Variants in STON2 observed in about 807,000 individuals in gnomAD.
The protein encoded by STON2 is stonin 2, also known as stonin-2.
STON2 carries 29 observed loss-of-function variants against 65.7 expected under a neutral mutation model. The observed-to-expected ratio is 0.44, with a 90% CI of 0.33 to 0.60. The LOEUF (loss-of-function observed/expected upper bound fraction) is 0.60, where lower values mean the gene tolerates loss of function less well. Ranked by LOEUF, STON2 falls within the 20% of genes least tolerant of loss-of-function variation. The pLI, the probability that STON2 is intolerant of heterozygous loss-of-function variation, is 0.03. For missense variants in STON2, 1,054 were observed against 1,118.1 expected (o/e 0.94, Z 0.82); for synonymous variants, 404 against 414.2 (o/e 0.98, Z 0.30).
At chr14:81,296,027 G>A (rs905405438) in intron 5 of STON2, among the ~76,000 whole-genome samples, 6 of 152,154 alleles carry the variant, frequency 3.9e-5, no homozygotes, top group African/African-American at 4.8e-5. Context: ...TCCAGTTATA[G>A]AGCCTACATT....
At chr14:81,273,930 A>T (rs1894702934) in intron 6 of STON2, among the ~76,000 whole-genome samples, 1 of 152,226 alleles carries the variant, frequency 6.6e-6, no homozygotes, top group Non-Finnish European at 1.5e-5. Flanking sequence ...ATTACAAAAA[A>T]TAACCTGTAC....
chr14:81,305,596 G>T (rs1402875246), intron 5 of STON2, among the ~76,000 whole-genome samples: 3 of 152,022 alleles, frequency 2.0e-5, no homozygotes, highest in Non-Finnish European at 4.4e-5. Context: ...ATATATTCAG[G>T]ATTTGATTTC....
intron 7 of STON2, among the ~76,000 whole-genome samples, chr14:81,269,009 CTTTT>C (rs1467942795): frequency 6.6e-6 from 1 of 151,772 alleles, no homozygotes; most frequent in Non-Finnish European, 1.5e-5. Flanking sequence ...TTGTTTTTTT[CTTTT>C]TTTGAGACAG....
At chr14:81,407,127 T>C (rs1041865055) in intron 2 of STON2, among the ~76,000 whole-genome samples, 7 of 152,176 alleles carry the variant, frequency 4.6e-5, no homozygotes, top group African/African-American at 1.4e-4. Flanking sequence ...CTGAAAACAG[T>C]TGCCTCATAG....
At chr14:81,352,382 G>A (rs996153771) in intron 4 of STON2, among the ~76,000 whole-genome samples, 1 of 152,144 alleles carries the variant, frequency 6.6e-6, no homozygotes, top group Non-Finnish European at 1.5e-5. Flanking sequence ...ATAATTGAGG[G>A]ACATGCTCAT....
At chr14:81,334,808 G>A (rs1405138591) in intron 4 of STON2, among the ~76,000 whole-genome samples, 1 of 152,084 alleles carries the variant, frequency 6.6e-6, no homozygotes, top group East Asian at 1.9e-4. Flanking sequence ...GGAGCTGGCT[G>A]CTCTTTGGAC....
chr14:81,330,009 G>A (rs908193226), intron 4 of STON2, among the ~76,000 whole-genome samples: 1 of 152,176 alleles, frequency 6.6e-6, no homozygotes, highest in Non-Finnish European at 1.5e-5. Context: ...GGAGGGAAAG[G>A]GGGAATATTA....
intron 1 of STON2, among the ~76,000 whole-genome samples, chr14:81,429,866 C>T (rs1214688103): frequency 2.6e-5 from 4 of 151,192 alleles, no homozygotes; most frequent in East Asian, 1.9e-4. Flanking sequence ...ACCCGGGAGG[C>T]GGAGGTTGCA....
At chr14:81,336,769 A>G (rs1897387353) in intron 4 of STON2, among the ~76,000 whole-genome samples, 1 of 152,132 alleles carries the variant, frequency 6.6e-6, no homozygotes, top group African/African-American at 2.4e-5. Flanking sequence ...CTCACCATCA[A>G]CAAGGATTTG....
At chr14:81,326,646 G>C (rs1295966189) in intron 4 of STON2, among the ~76,000 whole-genome samples, 1 of 152,180 alleles carries the variant, frequency 6.6e-6, no homozygotes, top group East Asian at 1.9e-4. Flanking sequence ...ACTAGAAATA[G>C]CTTCCCCTGC....
intron 2 of STON2, among the ~76,000 whole-genome samples, chr14:81,409,398 C>T (rs1216836338): frequency 1.3e-5 from 2 of 148,242 alleles, no homozygotes; most frequent in African/African-American, 5.0e-5. Context: ...GAGTGAGACT[C>T]CATCTCAAAA....
chr14:81,398,260 A>C, intron 2 of STON2, 35 bp downstream of exon 2: 1 of 1,464,620 alleles, frequency 6.8e-7, no homozygotes, highest in Non-Finnish European at 9.5e-7. Context: ...TTCTTTGACA[A>C]TCTCTTCACT....
chr14:81,309,523 T>C (rs1167144174), intron 5 of STON2, among the ~76,000 whole-genome samples: 1 of 152,242 alleles, frequency 6.6e-6, no homozygotes, highest in Admixed American at 6.5e-5. Flanking sequence ...AGAAAATCTA[T>C]TAATAAATCC....
intron 3 of STON2, among the ~76,000 whole-genome samples, chr14:81,376,039 T>C (rs906336670): frequency 6.6e-6 from 1 of 151,864 alleles, no homozygotes; most frequent in Non-Finnish European, 1.5e-5. Context: ...GAAAATACTA[T>C]ATGTGAAAAT....
At chr14:81,360,084 T>C (rs896567442) in intron 4 of STON2, among the ~76,000 whole-genome samples, 1 of 152,086 alleles carries the variant, frequency 6.6e-6, no homozygotes. Flanking sequence ...GAGCAACACC[T>C]TGTCTTAAAA....
chr14:81,311,576 C>A (rs895146985), intron 5 of STON2, among the ~76,000 whole-genome samples: 3 of 152,178 alleles, frequency 2.0e-5, no homozygotes, highest in African/African-American at 4.8e-5. Context: ...TCTATTAACT[C>A]CACATAAAAT....
At chr14:81,375,257 A>C (rs1417974428) in intron 3 of STON2, among the ~76,000 whole-genome samples, 1 of 152,154 alleles carries the variant, frequency 6.6e-6, no homozygotes, top group East Asian at 1.9e-4. Context: ...AAAAATAAAC[A>C]TAAATGGACT....
intron 5 of STON2, among the ~76,000 whole-genome samples, chr14:81,296,239 G>T (rs541488583): frequency 6.6e-6 from 1 of 152,310 alleles, no homozygotes; most frequent in South Asian, 2.1e-4. Context: ...CTGCCTCAGA[G>T]TGGGGAATAC....
chr14:81,353,816 A>G (rs1898116170), intron 4 of STON2, among the ~76,000 whole-genome samples: 1 of 152,132 alleles, frequency 6.6e-6, no homozygotes, highest in African/African-American at 2.4e-5. Flanking sequence ...GCCCACAGCA[A>G]ACAGGATGTA....
Sources: gnomAD v4.1 joint callset for allele counts (sites outside exome capture counted in the v4.1 genomes callset) on GRCh38, gnomAD v4.1.1 for gene constraint, MANE v1.5 for transcripts, NCBI Gene and HGNC (gene_info 2026-07-23, HGNC 2026-07-21) for gene names.